Variants in CENPP observed in about 807,000 individuals in gnomAD.
The protein encoded by CENPP is centromere protein P.
In CENPP, 24 loss-of-function variants were observed where a neutral mutation model predicts 35.6. That is an observed-to-expected ratio of 0.67 (90% CI 0.49 to 0.95). CENPP has a LOEUF of 0.95. CENPP is among the 40% of genes least tolerant of loss of function. CENPP has a pLI of 0.00. For synonymous variants in CENPP, 120 were observed against 125.5 expected (o/e 0.96, Z 0.29); for missense variants, 332 against 345.3 (o/e 0.96, Z 0.31).
rs1851456807 is a variant in CENPP, at chr9:92,616,881, C to G, written c.*3732C>G. 1 of 152,178 alleles carries G rather than the reference C, an allele frequency of 6.6e-6. No homozygotes were observed. Among genetic ancestry groups the G allele is most frequent in the Admixed American group, 6.5e-5 (1 of 15,286 alleles). The allele number at this position is 152,178 out of a possible 1,614,324, so 9.4% of individuals were successfully genotyped here. A position where few individuals can be genotyped will look rare whatever the true frequency, so the allele number is the denominator to read the frequency against. ...CAGTCCAAGAGAAGTATCCTGGGTT[C>G]TGGTGTCCCAATGTTTACTACGCTT... is the stretch of plus-strand genomic sequence containing the variant. On this transcript the variant is annotated 3_prime_UTR_variant, in exon 8 of 8. Transcript: ENST00000375587.
chr9:92,358,229 C>G (rs1270072846), intron 4 of CENPP, among the ~76,000 whole-genome samples: 1 of 151,606 alleles, frequency 6.6e-6, no homozygotes, highest in Non-Finnish European at 1.5e-5. Flanking sequence ...TCCCCATGTC[C>G]CACAGTTTCC....
At chr9:92,579,938 T>C (rs909904501) in intron 5 of CENPP, among the ~76,000 whole-genome samples, 224 of 148,822 alleles carry the variant, frequency 1.5e-3, no homozygotes, top group African/African-American at 5.1e-3. Flanking sequence ...GGCTGTGGGT[T>C]TGTCATAGAT....
chr9:92,412,484 A>G lies in CENPP; in HGVS notation c.564+32625A>G, dbSNP rs143980790. Among the ~76,000 whole-genome samples the G allele has an allele frequency of 7.4e-3, 1,122 of 152,292 alleles. 12 individuals carry two copies. The highest frequency in any genetic ancestry group is 0.031 in the Middle Eastern group (9 of 294). ...TTTTCATTACTCCAAAAAAGAAACCATATACCCATTAGCAGTTACTTCTCA... is the reference window on the plus strand; with the variant it reads ...TTTTCATTACTCCAAAAAAGAAACCGTATACCCATTAGCAGTTACTTCTCA... On this transcript the variant is annotated intron_variant, in intron 5 of 7. Transcript: ENST00000375587.
Position 92,593,117 on chromosome 9 carries a change from A to C in CENPP, c.565-18197A>C, listed in dbSNP as rs530743933. On this transcript the variant is annotated intron_variant, in intron 5 of 7. Coordinates refer to ENST00000375587, the MANE Select transcript of CENPP (RefSeq NM_001012267.3). This position sits in a 1 kb window ranked among gnomAD's most constrained non-coding sequence, Gnocchi z 4.1. ...AGCCCTGGCATCATCTGCCCTAAGC[A>C]TCCACTTCTCAATCCCAGGTGGCAG... Among the ~76,000 whole-genome samples the C allele has an allele frequency of 6.4e-4, 98 of 152,312 alleles. No homozygotes were observed. Among genetic ancestry groups the C allele is most frequent in the African/African-American group, 2.3e-3 (95 of 41,574 alleles).
rs1352387259 is a variant in CENPP at position 92,618,866 on chromosome 9, C to T, written c.*5717C>T. 8.7e-6 allele frequency: 3 copies of T among 343,538 alleles called. No individual in the cohort carries two copies. Among genetic ancestry groups the T allele is most frequent in the South Asian group, 4.6e-5 (2 of 43,516 alleles). The allele number at this position is 343,538 out of a possible 1,614,324, so 21.3% of individuals were successfully genotyped here. ...CATGTTAGAAGAATGTGGAACATTC[C>T]GCAAATACTGGGTGCAGGGTTTAGC... On this transcript the variant is annotated 3_prime_UTR_variant, in exon 8 of 8. Transcript: ENST00000375587.
At chr9:92,447,242 A>G in intron 5 of CENPP, among the ~76,000 whole-genome samples, 1 of 152,130 alleles carries the variant, frequency 6.6e-6, no homozygotes, top group East Asian at 1.9e-4. Context: ...ATTACATTGT[A>G]ATATATAATG....
intron 5 of CENPP, among the ~76,000 whole-genome samples, chr9:92,525,857 C>T (rs1360912736): frequency 7.2e-6 from 1 of 138,532 alleles, no homozygotes; most frequent in Admixed American, 7.8e-5. Flanking sequence ...TACAGGTATG[C>T]ACCACCATGC....
chr9:92,515,324 A>G, intron 5 of CENPP: 1 of 1,245,744 alleles, frequency 8.0e-7, no homozygotes, highest in Non-Finnish European at 1.0e-6. Flanking sequence ...TGCAATTTAA[A>G]GATGAAATGC....
chr9:92,496,513 A>G (rs1846353100), intron 5 of CENPP: 2 of 1,595,386 alleles, frequency 1.3e-6, no homozygotes, highest in African/African-American at 1.4e-5. Context: ...CAAGTCACAC[A>G]TGGTCCCAGT....
intron 4 of CENPP, among the ~76,000 whole-genome samples, chr9:92,349,551 GCA>G (rs1841391470): frequency 6.6e-6 from 1 of 151,648 alleles, no homozygotes; most frequent in Middle Eastern, 3.2e-3. Flanking sequence ...TTATAGGCAC[GCA>G]CCACCACACC....
At chr9:92,514,683 A>C (rs1229015737) in intron 5 of CENPP, 1 of 1,609,796 alleles carries the variant, frequency 6.2e-7, no homozygotes, top group African/African-American at 1.3e-5. Flanking sequence ...GTATCTGGGT[A>C]AGCATGGCGT....
intron 5 of CENPP, among the ~76,000 whole-genome samples, chr9:92,579,837 T>C (rs1341341256): frequency 4.9e-5 from 7 of 142,588 alleles, no homozygotes; most frequent in Non-Finnish European, 7.5e-5. Context: ...TCCAATACTA[T>C]GTTGAATAGG....
At position 92,533,338 on chromosome 9, in the gene CENPP, T is replaced by A. The variant is rs868512658; in HGVS notation, c.565-77976T>A. On this transcript the variant is annotated intron_variant, in intron 5 of 7. Coordinates refer to ENST00000375587, the MANE Select transcript of CENPP (RefSeq NM_001012267.3). ...AAAAAAAAAAAAAAAAATATATATA[T>A]ATATATATATATATATATATGCTTT... Among the ~76,000 whole-genome samples the A allele has an allele frequency of 2.4e-3, 264 of 109,332 alleles. 4 individuals are homozygous for A. The highest frequency in any genetic ancestry group is 0.021 in the East Asian group (46 of 2,160). 71.7% of individuals were successfully genotyped at this position (109,332 alleles called of 152,430 possible). A position where few individuals can be genotyped will look rare whatever the true frequency, so the allele number is the denominator to read the frequency against.
intron 5 of CENPP, among the ~76,000 whole-genome samples, chr9:92,579,398 G>A (rs1461964970): frequency 5.6e-5 from 8 of 143,034 alleles, no homozygotes; most frequent in Non-Finnish European, 1.1e-4. Flanking sequence ...GGGCAGTATG[G>A]CCATTTTCAC....
chr9:92,596,326 T>C (rs1850778480), intron 5 of CENPP, among the ~76,000 whole-genome samples: 1 of 150,666 alleles, frequency 6.6e-6, no homozygotes, highest in Non-Finnish European at 1.5e-5. Flanking sequence ...AAATGGGGTC[T>C]CACTATGTTG....
chr9:92,363,261 G>C (rs1390292086), intron 4 of CENPP, among the ~76,000 whole-genome samples: 2 of 151,812 alleles, frequency 1.3e-5, no homozygotes, highest in African/African-American at 4.8e-5. Context: ...ACACAAACCT[G>C]TATGTAAGAA....
At chr9:92,498,735 G>A (rs187035322) in intron 5 of CENPP, among the ~76,000 whole-genome samples, 201 of 152,064 alleles carry the variant, frequency 1.3e-3, no homozygotes, top group African/African-American at 4.6e-3. Context: ...TAAACTTCAA[G>A]CTTTTATTAT....
At chr9:92,510,192 A>G (rs906429482) in intron 5 of CENPP, among the ~76,000 whole-genome samples, 3 of 152,196 alleles carry the variant, frequency 2.0e-5, no homozygotes. Context: ...TCCCCCTGCC[A>G]GGTTGATATT....
At chr9:92,498,482 A>G (rs1376148872) in intron 5 of CENPP, among the ~76,000 whole-genome samples, 3 of 152,074 alleles carry the variant, frequency 2.0e-5, no homozygotes, top group African/African-American at 7.2e-5. Flanking sequence ...AGACAATCAT[A>G]GAAGTAAGAC....
Sources: allele counts gnomAD v4.1 joint callset (sites outside exome capture counted in the v4.1 genomes callset), GRCh38; gene constraint gnomAD v4.1.1; non-coding constraint Gnocchi (gnomAD v3.1); transcripts MANE v1.5; gene names NCBI Gene and HGNC (gene_info 2026-07-23, HGNC 2026-07-21).